Variants in SNAP47 observed in about 807,000 individuals in gnomAD.
SNAP47 encodes the protein synaptosomal-associated protein 47.
In SNAP47, 20 loss-of-function variants were observed where a neutral mutation model predicts 31.4. The ratio of observed to expected loss-of-function variants is 0.64; its 90% CI spans 0.45 to 0.93. SNAP47 has a LOEUF of 0.93. SNAP47 is among the 40% of genes least tolerant of loss of function. The pLI, the probability that SNAP47 is intolerant of heterozygous loss-of-function variation, is 0.00. For synonymous variants in SNAP47, 194 were observed against 213.4 expected, an observed-to-expected ratio of 0.91 and a Z score of 0.79; for missense variants, 492 against 528.5, an observed-to-expected ratio of 0.93 and a Z score of 0.68.
At chr1:227,765,909 G>A (rs886920231) in intron 3 of SNAP47, among the ~76,000 whole-genome samples, 5 of 152,274 alleles carry the variant, frequency 3.3e-5, no homozygotes, top group South Asian at 4.1e-4. Flanking sequence ...GGCGGGGGTG[G>A]CATCTTGGAG....
At chr1:227,732,376 A>T, upstream of SNAP47, 1 of 1,609,036 alleles carries the variant, frequency 6.2e-7, no homozygotes, top group Non-Finnish European at 8.5e-7. Context: ...CCGTCCTTCT[A>T]TCCTCACGAC....
chr1:227,757,466 C>G (rs559286510), intron 2 of SNAP47, among the ~76,000 whole-genome samples: 1 of 152,352 alleles, frequency 6.6e-6, no homozygotes, highest in Admixed American at 6.5e-5. Context: ...TCATCAAAAT[C>G]CCAAACGCCA....
chr1:227,758,512 A>T (rs1558203337), intron 2 of SNAP47, among the ~76,000 whole-genome samples: 1 of 152,142 alleles, frequency 6.6e-6, no homozygotes, highest in East Asian at 1.9e-4. Context: ...GTGGTGGGGA[A>T]GCATCTAATG....
chr1:227,778,287 G>A (rs1042242011), intron 4 of SNAP47, among the ~76,000 whole-genome samples: 1 of 152,232 alleles, frequency 6.6e-6, no homozygotes, highest in African/African-American at 2.4e-5. Flanking sequence ...AGCACTGCAC[G>A]CCATGGTCAT....
upstream of SNAP47, chr1:227,733,720 C>A: frequency 2.5e-6 from 4 of 1,598,212 alleles, no homozygotes; most frequent in South Asian, 4.4e-5. Flanking sequence ...CCTGTAGGGG[C>A]TGGTATGGGC....
intron 3 of SNAP47, among the ~76,000 whole-genome samples, chr1:227,766,205 C>G (rs1663388968): frequency 6.6e-6 from 1 of 152,226 alleles, no homozygotes; most frequent in Non-Finnish European, 1.5e-5. Flanking sequence ...TGCAGCTGCA[C>G]TCTCCCTGCC....
At chr1:227,733,011 A>T (rs1310319228), upstream of SNAP47, 1 of 1,613,512 alleles carries the variant, frequency 6.2e-7, no homozygotes, top group African/African-American at 1.3e-5. Flanking sequence ...GTTGTGGTTG[A>T]TGGAGATGGT....
chr1:227,732,205 T>G, upstream of SNAP47: 1 of 653,588 alleles, frequency 1.5e-6, no homozygotes, highest in East Asian at 2.7e-5. Flanking sequence ...ACATCCCATC[T>G]TGGGTCCCTG....
intron 4 of SNAP47, among the ~76,000 whole-genome samples, chr1:227,778,972 A>G (rs1664308064): frequency 6.6e-6 from 1 of 152,216 alleles, no homozygotes; most frequent in African/African-American, 2.4e-5. Flanking sequence ...AGGTTTGGAA[A>G]GGGACATGTG....
At chr1:227,779,342 C>T (rs577526053) in intron 4 of SNAP47, among the ~76,000 whole-genome samples, 8 of 152,210 alleles carry the variant, frequency 5.3e-5, no homozygotes, top group Non-Finnish European at 1.0e-4. Flanking sequence ...GAATCACCTG[C>T]CCTGGCTGCC....
upstream of SNAP47, chr1:227,732,400 C>T: frequency 6.2e-7 from 1 of 1,612,404 alleles, no homozygotes; most frequent in Non-Finnish European, 8.5e-7. Flanking sequence ...TGCTATGGGG[C>T]CGCAGCAGCA....
rs200847495 is a variant in SNAP47, at chr1:227,748,053, C to A, written c.317C>A (p.Pro106His). ...TGGAGGGAGCTGCTGCTGTCTCAGC[C>A]TGGAGCCGTGGCAGACGCATCTGTC... ...HFWRELLLSQ[P>H]GAVADASVPR... The change falls in exon 2 of 5, where the codon CCT (proline) becomes CAT (histidine). Residue 106 changes from proline to histidine, a missense_variant. Physicochemically the swap from Pro to His is moderately conservative, Grantham distance 77 (BLOSUM62 -2). Transcript: ENST00000617596. 4.0e-4 allele frequency: 642 copies of A among 1,614,168 alleles called. 4 individuals carry two copies. Among genetic ancestry groups the A allele is most frequent in the Non-Finnish European group, 3.8e-5 (45 of 1,180,014 alleles).
At chr1:227,750,188 G>A (rs1444939968) in intron 2 of SNAP47, among the ~76,000 whole-genome samples, 3 of 152,228 alleles carry the variant, frequency 2.0e-5, no homozygotes, top group South Asian at 2.1e-4. Context: ...CAGAGCCCCC[G>A]ACAATCCCAG....
Position 227,759,438 on chromosome 1 carries a change from C to G in SNAP47, c.941C>G (p.Ala314Gly). 1 of 1,614,182 alleles carries G rather than the reference C, an allele frequency of 6.2e-7. No homozygotes were observed. The highest frequency in any genetic ancestry group is 8.5e-7 in the Non-Finnish European group (1 of 1,180,048). ...GAAGATGCATTGGTGCTCAGAAGCG[C>G]AAGAACCTCTTCCCCCGCAGAGAAG... The part of the protein sequence containing the change: ...LLEDALVLRS[A>G]RTSSPAEKSC... The change falls in exon 3 of 5, where the codon GCA (alanine) becomes GGA (glycine). Residue 314 changes from alanine to glycine, a missense_variant. Ala to Gly is a moderately conservative substitution (Grantham distance 60, BLOSUM62 0). Coordinates refer to ENST00000617596, the MANE Select transcript of SNAP47 (RefSeq NM_053052.4).
At chr1:227,732,671 G>GA, upstream of SNAP47, 1 of 1,612,540 alleles carries the variant, frequency 6.2e-7, no homozygotes, top group Non-Finnish European at 8.5e-7. Context: ...AGGACCTCAT[G>GA]ATGACCTGGG....
chr1:227,732,511 G>C (rs753837331), upstream of SNAP47: 1 of 1,613,306 alleles, frequency 6.2e-7, no homozygotes, highest in East Asian at 2.2e-5. Flanking sequence ...AAGGAGGCCA[G>C]CACCTCTGTG....
At chr1:227,744,123 T>A (rs1175327477) in intron 1 of SNAP47, 1 of 151,784 alleles carries the variant, frequency 6.6e-6, no homozygotes, top group East Asian at 1.9e-4. Flanking sequence ...GCTGTGTTGC[T>A]TAGGGAATAA....
intron 3 of SNAP47, among the ~76,000 whole-genome samples, chr1:227,765,806 C>T (rs1387796958): frequency 6.6e-6 from 1 of 152,140 alleles, no homozygotes; most frequent in African/African-American, 2.4e-5. Context: ...TGCTCAGTCC[C>T]CTGTGGCCCT....
chr1:227,767,098 G>A lies in SNAP47; in HGVS notation c.1113+15G>A. Reference sequence around the variant, plus strand: ...AACTAACCCAGGTAAGATGTCCCCAGTGCCATGCCAGCCAGCGCTGTGTCC... The same window carrying A: ...AACTAACCCAGGTAAGATGTCCCCAATGCCATGCCAGCCAGCGCTGTGTCC... On this transcript the variant is annotated intron_variant, in intron 4 of 4. Coordinates refer to ENST00000617596, the MANE Select transcript of SNAP47 (RefSeq NM_053052.4). 1 of 1,613,890 alleles carries A rather than the reference G, an allele frequency of 6.2e-7. No individual in the cohort carries two copies. Among genetic ancestry groups the A allele is most frequent in the African/African-American group, 1.3e-5 (1 of 75,046 alleles).
Sources: gnomAD v4.1 joint callset for allele counts (sites outside exome capture counted in the v4.1 genomes callset) on GRCh38, gnomAD v4.1.1 for gene constraint, MANE v1.5 for transcripts, NCBI Gene and HGNC (gene_info 2026-07-23, HGNC 2026-07-21) for gene names.